Variants in DST observed in about 807,000 individuals in gnomAD.
The protein encoded by DST is bullous pemphigoid antigen.
In DST, 253 loss-of-function variants were observed where a neutral mutation model predicts 875.2. The observed-to-expected ratio is 0.29, with a 90% CI of 0.26 to 0.32. The LOEUF (loss-of-function observed/expected upper bound fraction) is 0.32, where lower values mean the gene tolerates loss of function less well. Ranked by LOEUF, DST falls within the 10% of genes least tolerant of loss-of-function variation. The pLI, the probability that DST is intolerant of heterozygous loss-of-function variation, is 1.00. For missense variants in DST, 8,287 were observed against 9,111.6 expected, an observed-to-expected ratio of 0.91 and a Z score of 3.68; for synonymous variants, 3,124 against 3,197.1, an observed-to-expected ratio of 0.98 and a Z score of 0.77.
At chr6:56,649,524 G>A (rs1328778988) in intron 12 of DST, among the ~76,000 whole-genome samples, 1 of 151,950 alleles carries the variant, frequency 6.6e-6, no homozygotes, top group African/African-American at 2.4e-5. Context: ...AAGGCTTCTT[G>A]GGAAAGGCAG....
rs115123784 is a variant in DST at position 56,610,135 on chromosome 6, C to T, written c.5283+292G>A. Among the ~76,000 whole-genome samples, 1,611 of 152,084 alleles carry T rather than the reference C, an allele frequency of 0.011. 28 individuals are homozygous for T. The highest frequency in any genetic ancestry group is 0.036 in the African/African-American group (1,500 of 41,476). On this transcript the variant is annotated intron_variant, in intron 39 of 103. Transcript: ENST00000680361. Reference sequence around the variant, plus strand: ...TTATAGCCTATAATATAATAAAATACCTACTATACTAGAAGAATGGCTTTT... The same window carrying T: ...TTATAGCCTATAATATAATAAAATATCTACTATACTAGAAGAATGGCTTTT...
Position 56,640,066 on chromosome 6 carries a change from A to G in DST, c.2491-9T>C, listed in dbSNP as rs201556034. The G allele has an allele frequency of 9.3e-6, 15 of 1,613,990 alleles. No individual in the cohort carries two copies. Among genetic ancestry groups the G allele is most frequent in the East Asian group, 2.2e-5 (1 of 44,886 alleles). ...GTGCGGTCCAGTTGTACCTTCAGAC[A>G]GTAAAATACTAAGTTTAAAAAAGAA... On this transcript the variant is annotated splice_polypyrimidine_tract_variant and intron_variant, in intron 18 of 103. Coordinates refer to ENST00000680361, the MANE Select transcript of DST (RefSeq NM_001374736.1).
intron 61 of DST, among the ~76,000 whole-genome samples, chr6:56,537,703 A>G (rs1378588121): frequency 6.6e-6 from 1 of 152,160 alleles, no homozygotes; most frequent in Non-Finnish European, 1.5e-5. Flanking sequence ...GTGGATTCCT[A>G]GCAATCTCTC....
chr6:56,647,708 C>T (rs1334873953), intron 13 of DST, among the ~76,000 whole-genome samples: 3 of 142,532 alleles, frequency 2.1e-5, no homozygotes, highest in East Asian at 2.0e-4. Context: ...TTTTTTGAGA[C>T]GGAGTCTTGC....
At chr6:56,676,694 T>A (rs2099131976) in intron 9 of DST, among the ~76,000 whole-genome samples, 1 of 143,786 alleles carries the variant, frequency 7.0e-6, no homozygotes, top group African/African-American at 2.6e-5. Flanking sequence ...TGATCAGCCT[T>A]AAAAAAAAAA....
chr6:56,522,109 A>G (rs1434889673), intron 69 of DST, among the ~76,000 whole-genome samples: 1 of 152,140 alleles, frequency 6.6e-6, no homozygotes, highest in African/African-American at 2.4e-5. Context: ...AAGTAGCTAC[A>G]TCTAAATATG....
intron 2 of DST, among the ~76,000 whole-genome samples, chr6:56,926,649 G>A (rs551845465): frequency 4.5e-4 from 69 of 152,266 alleles, no homozygotes; most frequent in African/African-American, 1.6e-3. Context: ...CACAATAACA[G>A]GTGTTATTCC....
At chr6:56,496,145 T>C (rs1026081036) in intron 82 of DST, among the ~76,000 whole-genome samples, 1 of 152,172 alleles carries the variant, frequency 6.6e-6, no homozygotes, top group African/African-American at 2.4e-5. Context: ...ATTAGGGGAC[T>C]CTTTCAAAAT....
In DST at chr6:56,670,690, T is replaced by C; in HGVS notation, c.1165A>G (p.Thr389Ala). 6.2e-7 allele frequency: 1 copy of C among 1,607,742 alleles called. No homozygotes were observed. Among genetic ancestry groups the C allele is most frequent in the Non-Finnish European group, 8.5e-7 (1 of 1,177,010 alleles). Residue 389 changes from threonine (T) to alanine (A), a missense_variant, in exon 10 of 104, where the codon ACC becomes GCC. Transcript: ENST00000680361. Reference protein sequence around the residue: ...YAGIRCENFTTCWRDGKLFNA... With the variant: ...YAGIRCENFTACWRDGKLFNA... ...AATAATTTTCCATCTCTCCAGCAGG[T>C]AGTGAAATTTTCACACCGAATTCCA... is the stretch of plus-strand genomic sequence containing the variant.
chr6:56,851,674 C>T, intron 3 of DST, 70 bp from the exon 4 acceptor site: 1 of 1,557,946 alleles, frequency 6.4e-7, no homozygotes, highest in South Asian at 1.2e-5. Context: ...TTAAACATCT[C>T]CCCCACCAAC....
Position 56,704,372 on chromosome 6 carries a change from A to G in DST, c.688-3T>C, listed in dbSNP as rs1349176642. 6.6e-7 allele frequency: 1 copy of G among 1,521,894 alleles called. No individual in the cohort carries two copies. The highest frequency in any genetic ancestry group is 2.1e-5 in the Admixed American group (1 of 46,624). 94.3% of individuals were successfully genotyped at this position (1,521,894 alleles called of 1,614,324 possible). On this transcript the variant is annotated splice_region_variant and splice_polypyrimidine_tract_variant and intron_variant, in intron 5 of 103. Coordinates refer to ENST00000680361, the MANE Select transcript of DST (RefSeq NM_001374736.1). ...AGATCATTCACATGTTTTCGAACCTATAAAGAGAAAAGCAAAATTTGGGGT... is the reference window on the plus strand; with the variant it reads ...AGATCATTCACATGTTTTCGAACCTGTAAAGAGAAAAGCAAAATTTGGGGT...
At chr6:56,827,286 C>A (rs538237150) in intron 4 of DST, among the ~76,000 whole-genome samples, 1 of 151,952 alleles carries the variant, frequency 6.6e-6, no homozygotes, top group Non-Finnish European at 1.5e-5. Flanking sequence ...GAGGCCGAGG[C>A]GGGTGGATCA....
intron 4 of DST, among the ~76,000 whole-genome samples, chr6:56,815,887 C>A (rs1290421498): frequency 6.6e-6 from 1 of 152,038 alleles, no homozygotes; most frequent in Admixed American, 6.6e-5. Context: ...TTGCTAGCAT[C>A]TAAATAGACA....
intron 5 of DST, among the ~76,000 whole-genome samples, chr6:56,709,393 C>T (rs1320138861): frequency 1.3e-5 from 2 of 152,186 alleles, no homozygotes; most frequent in Non-Finnish European, 2.9e-5. Flanking sequence ...ATCAAAAATA[C>T]TACACTGAAA....
At position 56,573,708 on chromosome 6, in the gene DST, C is replaced by A; in HGVS notation, c.13207G>T (p.Ala4403Ser). Residue 4403 changes from alanine (A) to serine (S), a missense_variant, in exon 51 of 104, where the codon GCT becomes TCT. Transcript: ENST00000680361. The part of the protein sequence containing the change: ...EQGQVPLNST[A>S]LQDIISKNIM... ...TTTTTACTGATAATATCCTGAAGAG[C>A]AGTAGAGTTTAAAGGCACTTGACCT... is the stretch of plus-strand genomic sequence containing the variant. The A allele has an allele frequency of 6.2e-7, 1 of 1,613,288 alleles. No individual in the cohort carries two copies. Among genetic ancestry groups the A allele is most frequent in the Non-Finnish European group, 8.5e-7 (1 of 1,179,416 alleles).
chr6:56,642,372 C>T lies in DST; in HGVS notation c.1872+38G>A, dbSNP rs752590517. The T allele has an allele frequency of 3.5e-6, 5 of 1,443,580 alleles. No homozygotes were observed. The African/African-American group carries it at 4.2e-5, about 12-fold the overall frequency. The allele number at this position is 1,443,580 out of a possible 1,614,324, so 89.4% of individuals were successfully genotyped here. On this transcript the variant is annotated intron_variant, in intron 16 of 103. Coordinates refer to ENST00000680361, the MANE Select transcript of DST (RefSeq NM_001374736.1). ...AGTTCATCCAAACGCACAGTGACTC[C>T]TCTACCACAACCCCAATGGCTCCTA... is the stretch of plus-strand genomic sequence containing the variant.
chr6:56,806,806 G>A (rs75239091), intron 4 of DST, among the ~76,000 whole-genome samples: 1,788 of 152,224 alleles, frequency 0.012, 42 homozygotes, highest in African/African-American at 0.041. Context: ...TTAACCCTTA[G>A]ACAAAACCAA....
In DST at chr6:56,568,564, G is replaced by A; in HGVS notation, c.13910C>T (p.Pro4637Leu). 3 of 1,610,080 alleles carry A rather than the reference G, an allele frequency of 1.9e-6. No homozygotes were observed. The highest frequency in any genetic ancestry group is 2.5e-6 in the Non-Finnish European group (3 of 1,178,138). The change falls in exon 55 of 104, where the codon CCA (proline) becomes CTA (leucine). Residue 4637 changes from proline to leucine, a missense_variant. This residue lies in a region of DST where 1,513 missense variants were observed against 1,677.8 expected (regional missense o/e 0.90). Transcript: ENST00000680361. Reference protein sequence around the residue: ...KLQEKWSLKTPEIQKVNNSGI... With the variant: ...KLQEKWSLKTLEIQKVNNSGI... ...ACTGTTGTTTACTTTCTGAATCTCT[G>A]GTGTTTTTAAACTCCACTTTTCTTG...
chr6:56,871,723 A>G (rs1777202684), intron 3 of DST: 2 of 633,608 alleles, frequency 3.2e-6, no homozygotes, highest in Non-Finnish European at 5.8e-6. Flanking sequence ...CTGAAGAAAC[A>G]AAAACTTACA....
Sources: allele counts gnomAD v4.1 joint callset (sites outside exome capture counted in the v4.1 genomes callset), GRCh38; gene constraint gnomAD v4.1.1; regional missense constraint gnomAD v4.1.1; transcripts MANE v1.5; gene names NCBI Gene and HGNC (gene_info 2026-07-23, HGNC 2026-07-21).